The following RBFOX1 variants were observed in gnomAD, a reference collection of about 807,000 sequenced individuals.
RBFOX1 encodes the protein RNA binding protein fox-1 homolog 1.
RBFOX1 carries 8 observed loss-of-function variants against 57.7 expected under a neutral mutation model. That is an observed-to-expected ratio of 0.14 (90% CI 0.08 to 0.25). The LOEUF is 0.25. Among genes scored for constraint, RBFOX1 ranks in the 10% least tolerant of loss-of-function variants. RBFOX1 has a pLI of 1.00. For synonymous variants in RBFOX1, 326 were observed against 222.4 expected (o/e 1.47, Z -4.15); for missense variants, 611 against 548.5 (o/e 1.11, Z -1.14).
intron 1 of RBFOX1, among the ~76,000 whole-genome samples, chr16:5,397,565 A>G (rs1259275215): frequency 6.6e-6 from 1 of 152,210 alleles, no homozygotes; most frequent in African/African-American, 2.4e-5. Context: ...TAAAGATTGA[A>G]AAGTCATTTC....
chr16:6,065,937 G>A lies in RBFOX1; in HGVS notation c.-127+45945G>A, dbSNP rs547199833. ...GCCAGTGTCAACAGAAGGATTCCTA[G>A]TCTTGATAATTTGGAAAGTGCGCTA... On this transcript the variant is annotated intron_variant, in intron 1 of 15. Coordinates refer to ENST00000550418, the MANE Select transcript of RBFOX1 (RefSeq NM_018723.4). Among the ~76,000 whole-genome samples, 58 of 152,264 alleles carry A rather than the reference G, an allele frequency of 3.8e-4. 1 individual carries two copies. In the South Asian group the frequency reaches 9.5e-3, roughly 25 times the overall value.
intron 3 of RBFOX1, among the ~76,000 whole-genome samples, chr16:6,839,956 TC>T (rs2093366498): frequency 6.6e-6 from 1 of 152,224 alleles, no homozygotes; most frequent in Non-Finnish European, 1.5e-5. Context: ...GAGCCTGTTT[TC>T]CTGTTTTCTT....
rs115637415 is a variant in RBFOX1, at chr16:7,493,759, C to T, written c.28-24388C>T. 6.3e-4 allele frequency among the ~76,000 whole-genome samples: 96 copies of T among 152,306 alleles called. 1 individual carries two copies. The highest frequency in any genetic ancestry group is 2.1e-3 in the South Asian group (10 of 4,822). Reference sequence around the variant, plus strand: ...GAGCCCTGGTGACACCTTGACTTTACGTCAGTTGAGAAATCAGAACTAAAA... The same window carrying T: ...GAGCCCTGGTGACACCTTGACTTTATGTCAGTTGAGAAATCAGAACTAAAA... On this transcript the variant is annotated intron_variant, in intron 4 of 15. Coordinates refer to ENST00000550418, the MANE Select transcript of RBFOX1 (RefSeq NM_018723.4).
intron 1 of RBFOX1, among the ~76,000 whole-genome samples, chr16:5,263,933 G>T (rs2062797525): frequency 6.6e-6 from 1 of 152,220 alleles, no homozygotes; most frequent in Non-Finnish European, 1.5e-5. Flanking sequence ...CCATATCCAT[G>T]TTGTGATTCT....
At chr16:7,512,206 G>T (rs1567598745) in intron 4 of RBFOX1, among the ~76,000 whole-genome samples, 1 of 152,176 alleles carries the variant, frequency 6.6e-6, no homozygotes, top group Non-Finnish European at 1.5e-5. Flanking sequence ...GCCTGTCACT[G>T]TCCCCTACAT....
intron 3 of RBFOX1, among the ~76,000 whole-genome samples, chr16:6,858,407 C>T (rs1192461643): frequency 6.6e-6 from 1 of 152,066 alleles, no homozygotes; most frequent in Non-Finnish European, 1.5e-5. Flanking sequence ...GTTGTTCTTT[C>T]TTCTTTAATT....
At chr16:6,246,871 C>G (rs1009001211) in intron 1 of RBFOX1, among the ~76,000 whole-genome samples, 2 of 152,140 alleles carry the variant, frequency 1.3e-5, no homozygotes, top group African/African-American at 4.8e-5. Flanking sequence ...GAGTTTGAGA[C>G]CAGCCTGGCC....
intron 4 of RBFOX1, among the ~76,000 whole-genome samples, chr16:7,188,610 G>T (rs117090990): frequency 1.3e-5 from 2 of 152,152 alleles, no homozygotes; most frequent in African/African-American, 4.8e-5. Flanking sequence ...TTATGCTGCA[G>T]ACTTTTCCAA....
chr16:6,859,155 A>ATATATATG (rs1555536846), intron 3 of RBFOX1, among the ~76,000 whole-genome samples: 107 of 60,176 alleles, frequency 1.8e-3, no homozygotes, highest in East Asian at 3.3e-3. Context: ...ATATATATGT[A>ATATATATG]TATATATACG....
chr16:5,837,545 G>T (rs1365785172), intron 3 of RBFOX1, among the ~76,000 whole-genome samples: 1 of 150,960 alleles, frequency 6.6e-6, no homozygotes, highest in Non-Finnish European at 1.5e-5. Flanking sequence ...ACAGTCCCTT[G>T]TGTTGGGGCA....
intron 5 of RBFOX1, among the ~76,000 whole-genome samples, chr16:7,526,923 T>C (rs1168873812): frequency 6.6e-6 from 1 of 152,114 alleles, no homozygotes; most frequent in Admixed American, 6.5e-5. Context: ...CCAGAAGGCA[T>C]CCCCCAGGCA....
At chr16:5,679,346 T>TA (rs1394276300) in intron 3 of RBFOX1, among the ~76,000 whole-genome samples, 1 of 151,634 alleles carries the variant, frequency 6.6e-6, no homozygotes, top group African/African-American at 2.4e-5. Flanking sequence ...TTTTTTTTTT[T>TA]AAAAAACAAT....
chr16:6,509,930 C>G (rs181492704), intron 2 of RBFOX1, among the ~76,000 whole-genome samples: 1 of 152,290 alleles, frequency 6.6e-6, no homozygotes, highest in African/African-American at 2.4e-5. Flanking sequence ...GCAGGAGACG[C>G]TCCATAAGTG....
At chr16:7,271,537 C>T (rs117516897) in intron 4 of RBFOX1, among the ~76,000 whole-genome samples, 3 of 151,768 alleles carry the variant, frequency 2.0e-5, no homozygotes, top group African/African-American at 2.4e-5. Flanking sequence ...TTTAAAGATA[C>T]GTGCATGTTA....
At chr16:7,023,354 G>T (rs569681741) in intron 3 of RBFOX1, among the ~76,000 whole-genome samples, 1 of 151,630 alleles carries the variant, frequency 6.6e-6, no homozygotes, top group African/African-American at 2.4e-5. Flanking sequence ...CAGCTACTTG[G>T]GAGGCTGAGA....
At chr16:7,687,264 G>A (rs761510373) in intron 14 of RBFOX1, among the ~76,000 whole-genome samples, 16 of 152,048 alleles carry the variant, frequency 1.1e-4, no homozygotes, top group Non-Finnish European at 1.8e-4. Context: ...GTACCATTCT[G>A]GAGTAGAGTA....
chr16:7,392,023 A>G (rs765426136), intron 4 of RBFOX1, among the ~76,000 whole-genome samples: 14 of 152,136 alleles, frequency 9.2e-5, no homozygotes, highest in Non-Finnish European at 1.8e-4. Flanking sequence ...GCCTTTTGCA[A>G]TCTCATTTCA....
At chr16:6,703,019 C>T (rs888265460) in intron 3 of RBFOX1, among the ~76,000 whole-genome samples, 1 of 152,168 alleles carries the variant, frequency 6.6e-6, no homozygotes, top group Non-Finnish European at 1.5e-5. Flanking sequence ...AATCATATGG[C>T]CCTTGTCCTT....
intron 14 of RBFOX1, among the ~76,000 whole-genome samples, chr16:7,683,274 T>TGATA (rs555830050): frequency 1.7e-4 from 26 of 150,986 alleles, no homozygotes; most frequent in Non-Finnish European, 3.4e-4. Flanking sequence ...TGGCTGTAAC[T>TGATA]GATAGATATA....
Sources: allele counts gnomAD v4.1 joint callset (sites outside exome capture counted in the v4.1 genomes callset), GRCh38; gene constraint gnomAD v4.1.1; transcripts MANE v1.5; gene names NCBI Gene and HGNC (gene_info 2026-07-23, HGNC 2026-07-21).